Variants in ZBBX observed in about 807,000 individuals in gnomAD.
ZBBX encodes the protein zinc finger B-box domain-containing protein 1.
Under a neutral mutation model 108.5 loss-of-function variants are expected in ZBBX, and 101 were observed. The ratio of observed to expected loss-of-function variants is 0.93; its 90% CI spans 0.79 to 1.10. ZBBX has a LOEUF of 1.10. ZBBX is among the 50% of genes least tolerant of loss of function. The pLI is 0.00. For missense variants in ZBBX, 1,009 were observed against 941.4 expected (o/e 1.07, Z -0.94); for synonymous variants, 356 against 323.4 (o/e 1.10, Z -1.08).
the ZBBX span, among the ~76,000 whole-genome samples, chr3:167,219,336 A>C: frequency 6.6e-6 from 1 of 151,988 alleles, no homozygotes; most frequent in Non-Finnish European, 1.5e-5. Context: ...TACAGATTCT[A>C]CTACCACATA....
chr3:167,192,549 G>T, the ZBBX span, among the ~76,000 whole-genome samples: 1 of 152,106 alleles, frequency 6.6e-6, no homozygotes, highest in Non-Finnish European at 1.5e-5. Context: ...CTTTCAGGAT[G>T]TTCTCTTTAA....
At chr3:167,195,424 T>A in the ZBBX span, among the ~76,000 whole-genome samples, 1 of 152,172 alleles carries the variant, frequency 6.6e-6, no homozygotes, top group Non-Finnish European at 1.5e-5. Context: ...AAAATCAACA[T>A]GAAATATACT....
intron 16 of ZBBX, among the ~76,000 whole-genome samples, chr3:167,311,864 C>T (rs1365865693): frequency 2.6e-5 from 4 of 152,108 alleles, no homozygotes; most frequent in Non-Finnish European, 5.9e-5. Context: ...TTTGGTAAGA[C>T]TGTTTGGCAA....
intron 8 of ZBBX, 31 bp downstream of exon 8, chr3:167,359,839 T>C: frequency 8.9e-7 from 1 of 1,117,406 alleles, no homozygotes; most frequent in African/African-American, 1.6e-5. Flanking sequence ...TACTATACAG[T>C]ATATGTATAT....
intron 20 of ZBBX, among the ~76,000 whole-genome samples, chr3:167,243,748 CTTTTTTTTTTT>C (rs148483655): frequency 1.1e-4 from 8 of 70,872 alleles, no homozygotes; most frequent in Admixed American, 1.9e-4. Flanking sequence ...GTGGACTTGA[CTTTTTTTTTTT>C]TTTTTTTTTT....
chr3:167,360,836 A>G (rs1490925397), intron 6 of ZBBX, 113 bp from the exon 7 acceptor site: 1 of 463,896 alleles, frequency 2.2e-6, no homozygotes, highest in Admixed American at 4.5e-5. Context: ...ACAAAAATTT[A>G]TTTTTAAAGA....
At chr3:167,284,331 A>G (rs1240445303) in intron 19 of ZBBX, among the ~76,000 whole-genome samples, 1 of 152,100 alleles carries the variant, frequency 6.6e-6, no homozygotes. Flanking sequence ...ATAAGGAAGC[A>G]ATAGCACAGG....
chr3:167,355,437 C>T (rs1743393986), intron 8 of ZBBX, among the ~76,000 whole-genome samples: 1 of 151,846 alleles, frequency 6.6e-6, no homozygotes, highest in Non-Finnish European at 1.5e-5. Flanking sequence ...GGTCACATAG[C>T]TAATAACAGG....
At chr3:167,215,068 G>GA in the ZBBX span, among the ~76,000 whole-genome samples, 1 of 151,798 alleles carries the variant, frequency 6.6e-6, no homozygotes, top group East Asian at 1.9e-4. Flanking sequence ...CTTCGCAACG[G>GA]AAAAAATTAG....
chr3:167,372,665 T>G (rs1577116831), intron 4 of ZBBX, among the ~76,000 whole-genome samples, 169 bp downstream of exon 4: 1 of 152,332 alleles, frequency 6.6e-6, no homozygotes, highest in East Asian at 1.9e-4. Flanking sequence ...ATATTTTTAA[T>G]CCTCATTTTT....
chr3:167,353,690 T>C (rs1205993685), intron 8 of ZBBX, among the ~76,000 whole-genome samples: 3 of 152,028 alleles, frequency 2.0e-5, no homozygotes, highest in Admixed American at 2.0e-4. Context: ...AGAGCAGTGA[T>C]ATTATATGTT....
chr3:167,398,858 G>C (rs1052075818), intron 1 of ZBBX, among the ~76,000 whole-genome samples: 1 of 151,858 alleles, frequency 6.6e-6, no homozygotes, highest in Non-Finnish European at 1.5e-5. Context: ...GAAGTGATTG[G>C]GTTATTAAGG....
rs143438058 is a variant in ZBBX, at chr3:167,338,914, A to T, written c.529-4929T>A. ...GCTTTATTTACAAAATCATTTCAGGATGATCAAGTTATGGACTAATGGGAA... is the reference window on the plus strand; with the variant it reads ...GCTTTATTTACAAAATCATTTCAGGTTGATCAAGTTATGGACTAATGGGAA... On this transcript the variant is annotated intron_variant, in intron 9 of 21. Transcript: ENST00000675490. Among the ~76,000 whole-genome samples the T allele has an allele frequency of 2.3e-3, 355 of 152,238 alleles. 2 individuals carry two copies. The highest frequency in any genetic ancestry group is 7.1e-3 in the African/African-American group (297 of 41,564).
intron 18 of ZBBX, among the ~76,000 whole-genome samples, chr3:167,290,210 C>A (rs776731496): frequency 6.6e-6 from 1 of 152,188 alleles, no homozygotes; most frequent in Non-Finnish European, 1.5e-5. Flanking sequence ...AGCACAGCGT[C>A]TGAGCTCTGA....
chr3:167,242,777 T>A, intron 20 of ZBBX, 134 bp from the exon 21 acceptor site: 1 of 806,502 alleles, frequency 1.2e-6, no homozygotes, highest in Non-Finnish European at 1.8e-6. Context: ...TAATTATTCC[T>A]CAATTTTCTA....
At chr3:167,198,157 T>A in the ZBBX span, among the ~76,000 whole-genome samples, 1 of 152,042 alleles carries the variant, frequency 6.6e-6, no homozygotes, top group Non-Finnish European at 1.5e-5. Flanking sequence ...CATAATAACC[T>A]TTCTCCAAGC....
intron 1 of ZBBX, among the ~76,000 whole-genome samples, chr3:167,389,547 C>A (rs1248259911): frequency 1.3e-5 from 2 of 151,976 alleles, no homozygotes; most frequent in Non-Finnish European, 2.9e-5. Context: ...CCTTGAGGAG[C>A]TGCCACACTG....
the ZBBX span, among the ~76,000 whole-genome samples, chr3:167,178,770 T>A: frequency 6.6e-6 from 1 of 152,124 alleles, no homozygotes. Context: ...GCATCTGGTT[T>A]CTGTAGATGC....
intron 8 of ZBBX, among the ~76,000 whole-genome samples, chr3:167,358,927 C>A: frequency 2.4e-5 from 2 of 83,270 alleles, no homozygotes; most frequent in South Asian, 5.1e-4. Flanking sequence ...CAGAGCAAGA[C>A]TCCATCTCAA....
Sources: gnomAD v4.1 joint callset for allele counts (sites outside exome capture counted in the v4.1 genomes callset) on GRCh38, gnomAD v4.1.1 for gene constraint, MANE v1.5 for transcripts, NCBI Gene and HGNC (gene_info 2026-07-23, HGNC 2026-07-21) for gene names.